Variants in MRPS6 observed in about 807,000 individuals in gnomAD.
MRPS6 encodes mitochondrial ribosomal protein S6.
A neutral mutation model predicts 13.1 loss-of-function variants in MRPS6; 6 were observed. That is an observed-to-expected ratio of 0.46 (90% CI 0.25 to 0.91). MRPS6 has a LOEUF of 0.91. Ranked by LOEUF, MRPS6 falls within the 40% of genes least tolerant of loss-of-function variation. MRPS6 has a pLI of 0.18. For synonymous variants in MRPS6, 61 were observed against 56.5 expected, an observed-to-expected ratio of 1.08 and a Z score of -0.36; for missense variants, 164 against 155.6, an observed-to-expected ratio of 1.05 and a Z score of -0.29.
intron 1 of MRPS6, among the ~76,000 whole-genome samples, chr21:34,084,717 T>C (rs936541450): frequency 4.6e-5 from 7 of 152,218 alleles, no homozygotes; most frequent in Non-Finnish European, 8.8e-5. Context: ...TACAGTAGTT[T>C]AATGAAATTT....
At chr21:34,083,387 G>A (rs1260509392) in intron 1 of MRPS6, among the ~76,000 whole-genome samples, 4 of 152,158 alleles carry the variant, frequency 2.6e-5, no homozygotes, top group Admixed American at 6.5e-5. Context: ...TATGAATTCC[G>A]AATATAAAAC....
chr21:34,086,726 A>T (rs1049164942), intron 1 of MRPS6, among the ~76,000 whole-genome samples: 3 of 152,148 alleles, frequency 2.0e-5, no homozygotes, highest in Admixed American at 2.0e-4. Flanking sequence ...TCAAACATGT[A>T]GTGTAAAAAT....
chr21:34,078,595 T>C (rs1163327357), intron 1 of MRPS6, among the ~76,000 whole-genome samples: 1 of 152,208 alleles, frequency 6.6e-6, no homozygotes. Flanking sequence ...CCTTTTAGAT[T>C]ATAAAATCAG....
intron 1 of MRPS6, chr21:34,097,650 A>G (rs533050687): frequency 4.6e-5 from 51 of 1,096,928 alleles, no homozygotes; most frequent in East Asian, 3.4e-4. Context: ...AGAGCAGAAT[A>G]TATGTTAAGT....
intron 1 of MRPS6, chr21:34,102,369 G>T: frequency 2.0e-6 from 2 of 999,774 alleles, no homozygotes; most frequent in Non-Finnish European, 2.4e-6. Flanking sequence ...GAGAATTGAT[G>T]TAATTTCTGT....
intron 2 of MRPS6, among the ~76,000 whole-genome samples, chr21:34,137,846 A>G (rs967226478): frequency 1.3e-5 from 2 of 152,022 alleles, no homozygotes; most frequent in Non-Finnish European, 2.9e-5. Context: ...GTGTTTGTTG[A>G]AATGATCATA....
intron 1 of MRPS6, among the ~76,000 whole-genome samples, chr21:34,080,148 A>G (rs1386809042): frequency 1.3e-5 from 2 of 152,190 alleles, no homozygotes; most frequent in East Asian, 1.9e-4. Flanking sequence ...GTGCAAATAT[A>G]TGTCCTTGAG....
At chr21:34,089,078 G>C (rs1458833740) in intron 1 of MRPS6, among the ~76,000 whole-genome samples, 2 of 152,108 alleles carry the variant, frequency 1.3e-5, no homozygotes, top group East Asian at 1.9e-4. Context: ...CCAGGCTGGA[G>C]TGCAGAGGTG....
intron 1 of MRPS6, chr21:34,099,823 ATC>A: frequency 1.6e-6 from 1 of 635,456 alleles, no homozygotes; most frequent in Non-Finnish European, 2.0e-6. Flanking sequence ...CAGTATAAAC[ATC>A]ATTTTATTTA....
intron 2 of MRPS6, among the ~76,000 whole-genome samples, chr21:34,128,373 C>G (rs111295287): frequency 6.6e-6 from 1 of 152,120 alleles, no homozygotes; most frequent in Non-Finnish European, 1.5e-5. Flanking sequence ...CTCCGCCCCC[C>G]AAATCAACCG....
At chr21:34,133,834 G>C (rs934881781) in intron 2 of MRPS6, among the ~76,000 whole-genome samples, 3 of 152,218 alleles carry the variant, frequency 2.0e-5, no homozygotes, top group Non-Finnish European at 4.4e-5. Flanking sequence ...AAAACTACCT[G>C]CTATAGACTT....
At chr21:34,103,327 A>AAAAAAAG in intron 1 of MRPS6, 1 of 999,106 alleles carries the variant, frequency 1.0e-6, no homozygotes, top group South Asian at 4.7e-5. Context: ...AAAAAAAAAA[A>AAAAAAAG]AAAACATGCA....
chr21:34,102,527 C>G (rs1979291770), intron 1 of MRPS6: 1 of 999,786 alleles, frequency 1.0e-6, no homozygotes. Context: ...TTTGGTATAT[C>G]TGTATCATTG....
chr21:34,095,823 G>A (rs915963523), intron 1 of MRPS6: 7 of 1,613,860 alleles, frequency 4.3e-6, no homozygotes, highest in African/African-American at 4.0e-5. Flanking sequence ...GGAGATTGGC[G>A]GGTTTGAGGA....
chr21:34,116,443 TATTC>T (rs2148666340), intron 1 of MRPS6, among the ~76,000 whole-genome samples: 1 of 152,112 alleles, frequency 6.6e-6, no homozygotes, highest in South Asian at 2.1e-4. Flanking sequence ...GTATCGTACT[TATTC>T]AATCAGTGGA....
intron 1 of MRPS6, chr21:34,095,379 G>A: frequency 6.2e-7 from 1 of 1,614,134 alleles, no homozygotes; most frequent in Non-Finnish European, 8.5e-7. Context: ...GAGCAATATT[G>A]GGAGTGAGCA....
chr21:34,106,185 T>G, intron 1 of MRPS6: 1 of 983,024 alleles, frequency 1.0e-6, no homozygotes, highest in Non-Finnish European at 1.2e-6. Flanking sequence ...TATTTTGTCC[T>G]GTAACTGAAG....
chr21:34,079,137 C>A (rs184368849), intron 1 of MRPS6, among the ~76,000 whole-genome samples: 3 of 152,216 alleles, frequency 2.0e-5, no homozygotes, highest in Admixed American at 1.3e-4. Flanking sequence ...TGACCTGTCA[C>A]CTATATTTTT....
intron 1 of MRPS6, among the ~76,000 whole-genome samples, chr21:34,106,912 C>G (rs899245732): frequency 6.6e-6 from 1 of 151,708 alleles, no homozygotes; most frequent in Non-Finnish European, 1.5e-5. Flanking sequence ...TGGATTTTGT[C>G]TTTCACGGTA....
Sources: gnomAD v4.1 joint callset for allele counts (sites outside exome capture counted in the v4.1 genomes callset) on GRCh38, gnomAD v4.1.1 for gene constraint, MANE v1.5 for transcripts, NCBI Gene and HGNC (gene_info 2026-07-23, HGNC 2026-07-21) for gene names.